WDR72: variants seen among roughly 807,000 people sequenced by gnomAD.
WDR72 encodes WD repeat domain 72, also known as WD repeat-containing protein 72.
WDR72 carries 120 observed loss-of-function variants against 124.2 expected under a neutral mutation model. The ratio of observed to expected loss-of-function variants is 0.97; its 90% CI spans 0.83 to 1.12. The LOEUF (loss-of-function observed/expected upper bound fraction) is 1.12, where lower values mean the gene tolerates loss of function less well. Among genes scored for constraint, WDR72 ranks in the 50% most tolerant of loss-of-function variants. The pLI is 0.00. For synonymous variants in WDR72, 452 were observed against 441.7 expected (o/e 1.02, Z -0.29); for missense variants, 1,387 against 1,278.8 (o/e 1.08, Z -1.29).
intron 16 of WDR72, among the ~76,000 whole-genome samples, chr15:53,612,693 T>C (rs2013595401): frequency 6.6e-6 from 1 of 152,058 alleles, no homozygotes; most frequent in African/African-American, 2.4e-5. Context: ...TTCTGTGCTA[T>C]AGTAAGGACA....
At chr15:53,532,743 C>T (rs1892552045) in intron 18 of WDR72, among the ~76,000 whole-genome samples, 1 of 151,748 alleles carries the variant, frequency 6.6e-6, no homozygotes, top group Non-Finnish European at 1.5e-5. Flanking sequence ...TTAACAATAA[C>T]TTATTGTACA....
At chr15:53,697,305 G>A (rs1047630026) in intron 13 of WDR72, among the ~76,000 whole-genome samples, 1 of 152,100 alleles carries the variant, frequency 6.6e-6, no homozygotes, top group African/African-American at 2.4e-5. Context: ...TGTGCACAGG[G>A]AGGCTGATGC....
chr15:53,755,312 C>T (rs982116335), intron 1 of WDR72, among the ~76,000 whole-genome samples: 3 of 152,304 alleles, frequency 2.0e-5, no homozygotes, highest in East Asian at 1.9e-4. Flanking sequence ...ATTATCTGTG[C>T]TCCTATGTGG....
chr15:53,570,256 T>C (rs1894462289), intron 18 of WDR72, among the ~76,000 whole-genome samples: 1 of 98,126 alleles, frequency 1.0e-5, no homozygotes, highest in East Asian at 2.6e-4. Context: ...TATTACCTCA[T>C]ATACCATTTT....
chr15:53,627,754 AAAC>A (rs1293541788), intron 14 of WDR72, among the ~76,000 whole-genome samples: 1 of 152,202 alleles, frequency 6.6e-6, no homozygotes, highest in Non-Finnish European at 1.5e-5. Context: ...ATTAGAAAAA[AAAC>A]ACACAAAACT....
chr15:53,715,459 G>C, intron 4 of WDR72, 92 bp from the exon 5 acceptor site: 1 of 1,472,614 alleles, frequency 6.8e-7, no homozygotes, highest in Non-Finnish European at 9.4e-7. Context: ...TTTAGTTTTA[G>C]CATATGATCA....
intron 14 of WDR72, among the ~76,000 whole-genome samples, chr15:53,621,399 TCATC>T (rs1349201468): frequency 6.9e-6 from 1 of 144,872 alleles, no homozygotes; most frequent in East Asian, 2.0e-4. Flanking sequence ...ACCCAAATGC[TCATC>T]CATCAATGAG....
chr15:53,516,419 G>C lies in WDR72; in HGVS notation c.*1280C>G, dbSNP rs1891463272. 2 of 152,118 alleles carry C rather than the reference G, an allele frequency of 1.3e-5. No individual in the cohort carries two copies. The highest frequency in any genetic ancestry group is 4.2e-4 in the South Asian group (2 of 4,812). 9.4% of individuals were successfully genotyped at this position (152,118 alleles called of 1,614,324 possible). ...ACTGCATCCCAGCATAAGACCTGAG[G>C]CTGGTCCCATGCTCAAAAATGTTTC... On this transcript the variant is annotated 3_prime_UTR_variant, in exon 20 of 20. Coordinates refer to ENST00000360509, the MANE Select transcript of WDR72 (RefSeq NM_182758.4).
intron 16 of WDR72, among the ~76,000 whole-genome samples, chr15:53,611,415 C>A (rs1417825816): frequency 1.3e-5 from 2 of 151,992 alleles, no homozygotes; most frequent in Non-Finnish European, 2.9e-5. Flanking sequence ...GGTTAGCAAT[C>A]CCCTGTCTTT....
intron 7 of WDR72, among the ~76,000 whole-genome samples, 160 bp downstream of exon 7, chr15:53,712,612 A>T (rs2017576827): frequency 6.6e-6 from 1 of 152,024 alleles, no homozygotes; most frequent in African/African-American, 2.4e-5. Context: ...CGCCAAAAAA[A>T]AAAACTGTTA....
intron 14 of WDR72, chr15:53,652,014 A>G (rs2015261016): frequency 6.6e-6 from 1 of 152,190 alleles, no homozygotes; most frequent in Non-Finnish European, 1.5e-5. Context: ...CAAATGTAGC[A>G]TCTGTTTTTA....
Position 53,616,207 on chromosome 15 carries a change from C to T in WDR72, c.1999G>A (p.Val667Ile), listed in dbSNP as rs1168577170. 6.2e-7 allele frequency: 1 copy of T among 1,604,258 alleles called. No individual in the cohort carries two copies. Among genetic ancestry groups the T allele is most frequent in the East Asian group, 2.2e-5 (1 of 44,828 alleles). ...DAKFCPRPFN[V>I]LPVKTKWSNV... ...CTCCATTTTGTCTTCACAGGCAAGA[C>T]ATTAAAAGGTCTTGGGCAAAATTTG... Residue 667 changes from valine (V) to isoleucine (I), a missense_variant, in exon 15 of 20, where the codon GTC becomes ATC. Physicochemically the swap from Val to Ile is conservative, Grantham distance 29. Transcript: ENST00000360509.
In WDR72 at chr15:53,741,924, C is replaced by T. The variant is rs369394869; in HGVS notation, c.-12-8763G>A. On this transcript the variant is annotated intron_variant, in intron 1 of 19. Transcript: ENST00000360509. ...TGTATTTTTAGTACAGATCGGGTTT[C>T]ACCATGTTGGCCAGGATGGTCTCAA... is the stretch of plus-strand genomic sequence containing the variant. Among the ~76,000 whole-genome samples the T allele has an allele frequency of 1.8e-4, 27 of 152,280 alleles. No homozygotes were observed. In the East Asian group the frequency reaches 5.0e-3, roughly 28 times the overall value.
intron 19 of WDR72, among the ~76,000 whole-genome samples, chr15:53,519,437 A>G (rs1443243944): frequency 6.6e-6 from 1 of 152,124 alleles, no homozygotes; most frequent in Non-Finnish European, 1.5e-5. Flanking sequence ...CAGTGCTTCT[A>G]TTACTAGACA....
intron 13 of WDR72, among the ~76,000 whole-genome samples, chr15:53,690,738 G>A (rs2016812599): frequency 6.6e-6 from 1 of 152,050 alleles, no homozygotes; most frequent in Non-Finnish European, 1.5e-5. Flanking sequence ...CTGTACTTTG[G>A]CCATTATGAA....
At chr15:53,633,733 T>C (rs990980094) in intron 14 of WDR72, among the ~76,000 whole-genome samples, 1 of 152,208 alleles carries the variant, frequency 6.6e-6, no homozygotes, top group South Asian at 2.1e-4. Context: ...ATATTCTATA[T>C]TAAAAATATG....
chr15:53,722,426 TG>T lies in WDR72; in HGVS notation c.260+375del, dbSNP rs547626138. The stretch of plus-strand genomic sequence containing the variant: ...AAAACTATGAAAGCTTGGATGGGTT[TG>T]CTTAAGAGCTCAAAGTGTGTTACTA... On this transcript the variant is annotated intron_variant, in intron 3 of 19. Transcript: ENST00000360509. Among the ~76,000 whole-genome samples, 19 of 152,340 alleles carry T rather than the reference TG, an allele frequency of 1.2e-4. 1 individual carries two copies. The highest frequency in any genetic ancestry group is 4.6e-4 in the African/African-American group (19 of 41,580).
chr15:53,636,187 AT>A (rs1156602026), intron 14 of WDR72, among the ~76,000 whole-genome samples: 2 of 152,038 alleles, frequency 1.3e-5, no homozygotes, highest in African/African-American at 4.8e-5. Flanking sequence ...ATAAAGGTAA[AT>A]TTTTTTCTAT....
At chr15:53,651,712 G>A (rs918080318) in intron 14 of WDR72, among the ~76,000 whole-genome samples, 4 of 152,190 alleles carry the variant, frequency 2.6e-5, no homozygotes, top group African/African-American at 9.7e-5. Flanking sequence ...GAGTGCAGTG[G>A]CGAGATCTCA....
Sources: allele counts gnomAD v4.1 joint callset (sites outside exome capture counted in the v4.1 genomes callset), GRCh38; gene constraint gnomAD v4.1.1; transcripts MANE v1.5; gene names NCBI Gene and HGNC (gene_info 2026-07-23, HGNC 2026-07-21).